ADAMTSL3: variants seen among roughly 807,000 people sequenced by gnomAD.
ADAMTSL3 encodes ADAMTS like 3.
A neutral mutation model predicts 201.7 loss-of-function variants in ADAMTSL3; 128 were observed. That is an observed-to-expected ratio of 0.63 (90% confidence interval 0.55 to 0.73). The LOEUF (loss-of-function observed/expected upper bound fraction) is 0.73. ADAMTSL3 is among the 30% of genes least tolerant of loss of function. ADAMTSL3 has a pLI of 0.00. For missense variants in ADAMTSL3, 1,990 were observed against 2,119.6 expected (o/e 0.94, Z 1.20); for synonymous variants, 738 against 748.4 (o/e 0.99, Z 0.23).
intron 2 of ADAMTSL3, among the ~76,000 whole-genome samples, chr15:83,694,897 A>G (rs1182400745): frequency 1.3e-5 from 2 of 152,216 alleles, no homozygotes; most frequent in Admixed American, 6.5e-5. Flanking sequence ...GAGAAGTCAT[A>G]CAACTCCATG....
chr15:83,672,410 G>A (rs1485682367), intron 2 of ADAMTSL3, among the ~76,000 whole-genome samples: 1 of 152,172 alleles, frequency 6.6e-6, no homozygotes, highest in Non-Finnish European at 1.5e-5. Context: ...TTTTGCTAAG[G>A]TGAAGGCAGG....
At chr15:83,951,648 T>G (rs1439595883) in intron 19 of ADAMTSL3, among the ~76,000 whole-genome samples, 1 of 152,158 alleles carries the variant, frequency 6.6e-6, no homozygotes, top group Non-Finnish European at 1.5e-5. Flanking sequence ...CTCAGGCTTT[T>G]CTTTACTGGG....
At chr15:84,002,643 G>A (rs1230368612) in intron 23 of ADAMTSL3, among the ~76,000 whole-genome samples, 4 of 152,184 alleles carry the variant, frequency 2.6e-5, no homozygotes, top group Middle Eastern at 3.4e-3. Flanking sequence ...ATTCCATGGA[G>A]CCTTGTCAAG....
chr15:83,665,820 T>A (rs540841092), intron 2 of ADAMTSL3, among the ~76,000 whole-genome samples: 2 of 152,324 alleles, frequency 1.3e-5, no homozygotes, highest in African/African-American at 2.4e-5. Flanking sequence ...CAGAAATGCT[T>A]TTATTGTCCA....
At chr15:83,962,804 C>T (rs1050467161) in intron 19 of ADAMTSL3, among the ~76,000 whole-genome samples, 1 of 152,200 alleles carries the variant, frequency 6.6e-6, no homozygotes, top group African/African-American at 2.4e-5. Flanking sequence ...TTCTGTATGT[C>T]CAACAGAGGT....
At chr15:83,687,016 C>A (rs906844153) in intron 2 of ADAMTSL3, among the ~76,000 whole-genome samples, 1 of 148,436 alleles carries the variant, frequency 6.7e-6, no homozygotes, top group African/African-American at 2.6e-5. Flanking sequence ...CACAGCAGGA[C>A]CCTGTCTCTA....
chr15:83,758,897 G>A (rs1349248188), intron 3 of ADAMTSL3, among the ~76,000 whole-genome samples: 2 of 152,126 alleles, frequency 1.3e-5, no homozygotes, highest in Non-Finnish European at 2.9e-5. Flanking sequence ...TATGCACAAA[G>A]GTTTTAATAT....
rs1367687729 is a variant in ADAMTSL3, at chr15:83,929,910, C to G, written c.2117+5877C>G. ...TGGACCTTTGCACACACTATGCCCT[C>G]TGCCTCTTAGAGACCTTCGCTACTA... On this transcript the variant is annotated intron_variant, in intron 17 of 29. Transcript: ENST00000286744. 3.9e-5 allele frequency among the ~76,000 whole-genome samples: 6 copies of G among 152,156 alleles called. 1 individual carries two copies. In the East Asian group the frequency reaches 1.2e-3, roughly 29 times the overall value.
At chr15:83,895,009 TA>T (rs1166920158) in intron 13 of ADAMTSL3, among the ~76,000 whole-genome samples, 1 of 152,212 alleles carries the variant, frequency 6.6e-6, no homozygotes, top group Non-Finnish European at 1.5e-5. Context: ...ATTTTATTGT[TA>T]ATTTTTTCTA....
intron 17 of ADAMTSL3, among the ~76,000 whole-genome samples, chr15:83,936,015 C>T (rs1219283552): frequency 6.6e-6 from 1 of 151,836 alleles, no homozygotes; most frequent in African/African-American, 2.4e-5. Context: ...AGAATGTATT[C>T]ATTAAGAAGG....
rs923634623 is a variant in ADAMTSL3, at chr15:83,900,009, AG to A, written c.1700+280del. ...ACTTAAGAGACTGGGGATAATTTCT[AG>A]GTTTTAACGCATGTGATTTGACCAT... On this transcript the variant is annotated intron_variant, in intron 15 of 29. Coordinates refer to ENST00000286744, the MANE Select transcript of ADAMTSL3 (RefSeq NM_207517.3). Among the ~76,000 whole-genome samples the A allele has an allele frequency of 1.4e-4, 21 of 152,312 alleles. No individual in the cohort carries two copies. In the South Asian group the frequency reaches 3.5e-3, roughly 26 times the overall value.
chr15:83,953,085 C>G (rs1040302643), intron 19 of ADAMTSL3, among the ~76,000 whole-genome samples: 32 of 152,088 alleles, frequency 2.1e-4, no homozygotes, highest in African/African-American at 7.7e-4. Context: ...ATCCATTCAG[C>G]CTTTCTGTGC....
intron 3 of ADAMTSL3, among the ~76,000 whole-genome samples, chr15:83,769,866 G>C (rs1198091115): frequency 6.7e-6 from 1 of 148,580 alleles, no homozygotes; most frequent in African/African-American, 2.5e-5. Context: ...TCAGTCACAT[G>C]CTGCAGTTTA....
Position 83,843,697 on chromosome 15 carries a change from C to T in ADAMTSL3, c.727+5482C>T, listed in dbSNP as rs536318041. On this transcript the variant is annotated intron_variant, in intron 7 of 29. Transcript: ENST00000286744. ...CATTCCAATCTTCCCTGGGACTCAC[C>T]CTGAGTCAGGACATGGCAACGAGAT... Among the ~76,000 whole-genome samples, 3 of 152,272 alleles carry T rather than the reference C, an allele frequency of 2.0e-5. No individual in the cohort carries two copies. In the East Asian group the frequency reaches 5.8e-4, roughly 29 times the overall value.
At chr15:83,905,677 T>C (rs974111491) in intron 15 of ADAMTSL3, among the ~76,000 whole-genome samples, 2 of 152,248 alleles carry the variant, frequency 1.3e-5, no homozygotes, top group African/African-American at 4.8e-5. Context: ...TTTCCAATTA[T>C]TCACAATGAT....
chr15:84,031,214 A>G, intron 27 of ADAMTSL3, 121 bp from the exon 28 acceptor site: 1 of 904,374 alleles, frequency 1.1e-6, no homozygotes, highest in Non-Finnish European at 1.8e-6. Context: ...CCCCCTGGGG[A>G]CAGTTGGTTA....
rs547945890 is a variant in ADAMTSL3, at chr15:84,036,904, G to A, written c.4886G>A (p.Ser1629Asn). The part of the protein sequence containing the change: ...SRKVDCIHTR[S>N]CKPVAKRHCV... ...AAAGTCGACTGTATCCACACAAGGA[G>A]TTGCAAACCTGTGGCCAAGAGACAC... is the stretch of plus-strand genomic sequence containing the variant. Residue 1629 changes from serine to asparagine, a missense_variant, in exon 29 of 30, where the codon AGT becomes AAT. Physicochemically the swap from Ser to Asn is conservative, Grantham distance 46. Transcript: ENST00000286744. 16 of 1,614,152 alleles carry A rather than the reference G, an allele frequency of 9.9e-6. No homozygotes were observed. The East Asian group carries it at 2.2e-4, about 22-fold the overall frequency.
chr15:83,860,707 G>A (rs902603783), intron 8 of ADAMTSL3, among the ~76,000 whole-genome samples: 3 of 152,162 alleles, frequency 2.0e-5, no homozygotes, highest in East Asian at 1.9e-4. Context: ...TGGCCGAATA[G>A]GAATAGCTCC....
chr15:83,853,721 T>C (rs12901568), intron 7 of ADAMTSL3, among the ~76,000 whole-genome samples: 21,092 of 152,162 alleles, frequency 0.14, 1,909 homozygotes, highest in Middle Eastern at 0.33. Context: ...TACTTAGGAA[T>C]TTGGTATCAA....
Sources: gnomAD v4.1 joint callset for allele counts (sites outside exome capture counted in the v4.1 genomes callset) on GRCh38, gnomAD v4.1.1 for gene constraint, MANE v1.5 for transcripts, NCBI Gene and HGNC (gene_info 2026-07-23, HGNC 2026-07-21) for gene names.